PDE4C: variants seen among roughly 807,000 people sequenced by gnomAD.
PDE4C encodes 3',5'-cyclic-AMP phosphodiesterase 4C.
In PDE4C, 50 loss-of-function variants were observed where a neutral mutation model predicts 63.9. The observed-to-expected ratio is 0.78, with a 90% CI of 0.62 to 0.99. The LOEUF (loss-of-function observed/expected upper bound fraction) is 0.99. Ranked by LOEUF, PDE4C falls within the 50% of genes least tolerant of loss-of-function variation. The probability of loss-of-function intolerance (pLI) is 0.00; values close to 1 mark genes in which losing one functional copy is unlikely to be tolerated. For synonymous variants in PDE4C, 377 were observed against 385.1 expected (o/e 0.98, Z 0.25); for missense variants, 777 against 899.1 (o/e 0.86, Z 1.74).
At chr19:18,218,368 G>C in exon 10 of PDE4C, 1 of 1,614,244 alleles carries the variant, frequency 6.2e-7, no homozygotes, top group Non-Finnish European at 8.5e-7. Context: ...CACATGCGTG[G>C]ACTGGGCCAC....
chr19:18,219,857 T>G (rs1968381754), intron 7 of PDE4C, among the ~76,000 whole-genome samples: 3 of 151,436 alleles, frequency 2.0e-5, no homozygotes, highest in Admixed American at 6.6e-5. Flanking sequence ...TGCCTGTAGC[T>G]ACCTACCCCT....
chr19:18,221,049 T>TCCGCCAGGCCCCGCCCCAAC, intron 4 of PDE4C, 56 bp downstream of exon 4: 1 of 1,239,970 alleles, frequency 8.1e-7, no homozygotes, highest in Non-Finnish European at 1.1e-6. Flanking sequence ...CAGCCCGCTT[T>TCCGCCAGGCCCCGCCCCAAC]CCGCCCACCT....
At chr19:18,218,870 G>C in intron 9 of PDE4C, 70 bp downstream of exon 9, 1 of 1,075,438 alleles carries the variant, frequency 9.3e-7, no homozygotes, top group Middle Eastern at 2.0e-4. Flanking sequence ...GTGTCCCTGA[G>C]GTCTGTGGTA....
chr19:18,237,909 T>C (rs1968980326), upstream of PDE4C, among the ~76,000 whole-genome samples: 1 of 148,198 alleles, frequency 6.7e-6, no homozygotes, highest in Non-Finnish European at 1.5e-5. Flanking sequence ...TGGTCCACAG[T>C]ACACATTGCA....
At chr19:18,249,296 A>G (rs556682942), upstream of PDE4C, among the ~76,000 whole-genome samples, 12 of 152,074 alleles carry the variant, frequency 7.9e-5, no homozygotes, top group African/African-American at 2.9e-4. Flanking sequence ...TTGTTTTGAG[A>G]CAGGGTCTCA....
Position 18,211,220 on chromosome 19 carries a change from G to A in PDE4C, c.1752C>T (p.Val584=), listed in dbSNP as rs145047273. 11 of 1,611,912 alleles carry A rather than the reference G, an allele frequency of 6.8e-6. No individual in the cohort carries two copies. In the African/African-American group the frequency reaches 1.3e-4, roughly 20 times the overall value. ...CCAGCAGGTCCTGTGCATCTGGGTG[G>A]ACCAGGTCAGCCCAAGTCTCCCACA... Residue 584 remains valine, a synonymous_variant, in exon 15 of 15, where the codon GTC becomes GTT. Transcript: ENST00000262805.
chr19:18,221,052 G>GCCAGGCCCCGCCCCACCCCC lies in PDE4C; in HGVS notation c.449+52_449+53insGGGGGTGGGGCGGGGCCTGG. ...AGCCTCAATTTGCAGCCCGCTTTCC[G>GCCAGGCCCCGCCCCACCCCC]CCCACCTTGTCTCTGCCGGCCCCGC... On this transcript the variant is annotated intron_variant, in intron 4 of 14. Transcript: ENST00000262805. 189 of 1,245,276 alleles carry GCCAGGCCCCGCCCCACCCCC rather than the reference G, an allele frequency of 1.5e-4. 1 individual carries two copies. The highest frequency in any genetic ancestry group is 2.1e-4 in the Non-Finnish European group (182 of 883,840). The allele number at this position is 1,245,276 out of a possible 1,614,324, so 77.1% of individuals were successfully genotyped here.
chr19:18,230,266 G>A (rs1189992818), upstream of PDE4C, among the ~76,000 whole-genome samples: 3 of 152,232 alleles, frequency 2.0e-5, no homozygotes, highest in Non-Finnish European at 2.9e-5. Context: ...AGCACTCTGG[G>A]AGGCCACGGT....
rs774368944 is a variant in PDE4C at position 18,219,233 on chromosome 19, C to T, written c.870+1G>A. On this transcript the variant is annotated splice_donor_variant, in intron 8 of 14. Coordinates refer to ENST00000262805, the Ensembl canonical transcript of PDE4C. LOFTEE classifies it high-confidence loss of function. The stretch of plus-strand genomic sequence containing the variant: ...TCTTGGCATTGTGGTTGGGGACCCA[C>T]CTTGGCCAGTTGCTCCTCCTGGTCA... 8.1e-6 allele frequency: 13 copies of T among 1,614,052 alleles called. No homozygotes were observed. The highest frequency in any genetic ancestry group is 1.7e-5 in the Admixed American group (1 of 60,008).
At chr19:18,221,049 T>TCCGTCAGGCCCCGCCCCACC in intron 4 of PDE4C, 56 bp downstream of exon 4, 2 of 1,239,970 alleles carry the variant, frequency 1.6e-6, no homozygotes, top group African/African-American at 1.5e-5. Context: ...CAGCCCGCTT[T>TCCGTCAGGCCCCGCCCCACC]CCGCCCACCT....
intron 13 of PDE4C, among the ~76,000 whole-genome samples, chr19:18,212,185 ATT>A (rs59840923): frequency 2.6e-4 from 39 of 148,004 alleles, no homozygotes; most frequent in South Asian, 1.1e-3. Context: ...GCCCTCTCCG[ATT>A]TTTTTTTTTT....
Position 18,212,019 on chromosome 19 carries a change from G to C in PDE4C, c.1513-78C>G, listed in dbSNP as rs2148001673. Reference sequence around the variant, plus strand: ...CCTGGCACCTCCACAGACAGGCTTGGTGCCATGGACACATTCATCTTACAG... The same window carrying C: ...CCTGGCACCTCCACAGACAGGCTTGCTGCCATGGACACATTCATCTTACAG... On this transcript the variant is annotated intron_variant, in intron 13 of 14. Transcript: ENST00000262805. The C allele has an allele frequency of 1.5e-5, 21 of 1,435,622 alleles. No homozygotes were observed. In the South Asian group the frequency reaches 2.1e-4, roughly 15 times the overall value. The allele number at this position is 1,435,622 out of a possible 1,614,324, so 88.9% of individuals were successfully genotyped here. A position where few individuals can be genotyped will look rare whatever the true frequency, so the allele number is the denominator to read the frequency against.
rs1968397290 is a variant in PDE4C at position 18,220,258 on chromosome 19, TGGTTCC to T, written c.668_673del (p.Gly223_Gln225delinsGlu). On this transcript the variant is annotated inframe_deletion, in exon 7 of 15. Coordinates refer to ENST00000262805, the Ensembl canonical transcript of PDE4C. The surrounding 1 kb of genome is among the most constrained non-coding windows in gnomAD (Gnocchi z 5.1). ...GGTCCGGGAGATGTACTCGGACACC[TGGTTCC>T]CGGAGCGGCTGGTTTCGGACAGGTG... The T allele has an allele frequency of 4.3e-6, 7 of 1,614,006 alleles. No individual in the cohort carries two copies. Among genetic ancestry groups the T allele is most frequent in the Admixed American group, 1.7e-5 (1 of 60,002 alleles).
chr19:18,239,863 T>G lies in PDE4C; in HGVS notation c.-209-6463A>C, dbSNP rs1969009099. Among the ~76,000 whole-genome samples, 3 of 151,914 alleles carry G rather than the reference T, an allele frequency of 2.0e-5. No individual in the cohort carries two copies. In the South Asian group the frequency reaches 6.2e-4, roughly 32 times the overall value. On this transcript the variant is annotated intron_variant, in intron 1 of 15. Coordinates refer to the PDE4C transcript ENST00000594617. ...CAACATGGCAAAACCCTGTCTCTAC[T>G]AAAAATACAAAAATTAGCCGAGCAT...
the PDE4C span, among the ~76,000 whole-genome samples, chr19:18,253,990 G>C: frequency 0.33 from 49,443 of 152,090 alleles, 8,399 homozygotes; most frequent in South Asian, 0.43. Context: ...GCAGAAATGC[G>C]GAAATAACAC....
chr19:18,225,669 A>G (rs1968691823), intron 1 of PDE4C: 1 of 150,938 alleles, frequency 6.6e-6, no homozygotes, highest in African/African-American at 2.4e-5. Context: ...ATTCGAACCC[A>G]GAGGGGTGGA....
At chr19:18,233,947 AG>A (rs1968903878), upstream of PDE4C, among the ~76,000 whole-genome samples, 1 of 152,330 alleles carries the variant, frequency 6.6e-6, no homozygotes, top group East Asian at 1.9e-4. Flanking sequence ...CAGCCCCAGA[AG>A]GGGTCTCTTT....
At chr19:18,226,054 G>A (rs1384852218) in intron 1 of PDE4C, among the ~76,000 whole-genome samples, 1 of 152,218 alleles carries the variant, frequency 6.6e-6, no homozygotes, top group Non-Finnish European at 1.5e-5. Flanking sequence ...GAGACAGACG[G>A]AGACAGAGAG....
At chr19:18,254,776 G>T in the PDE4C span, among the ~76,000 whole-genome samples, 1 of 152,166 alleles carries the variant, frequency 6.6e-6, no homozygotes, top group Non-Finnish European at 1.5e-5. Context: ...CTGTCTTATA[G>T]GAGAGCAAGA....
Sources: allele counts gnomAD v4.1 joint callset (sites outside exome capture counted in the v4.1 genomes callset), GRCh38; gene constraint gnomAD v4.1.1; non-coding constraint Gnocchi (gnomAD v3.1); transcripts MANE v1.5; gene names NCBI Gene and HGNC (gene_info 2026-07-23, HGNC 2026-07-21).